Variants in TMEM117 observed in about 807,000 individuals in gnomAD.
The protein encoded by TMEM117 is transmembrane protein 117.
Under a neutral mutation model 52.4 loss-of-function variants are expected in TMEM117, and 27 were observed. That is an observed-to-expected ratio of 0.51 (90% CI 0.38 to 0.71). The LOEUF (loss-of-function observed/expected upper bound fraction) is 0.71, where lower values mean the gene tolerates loss of function less well. Ranked by LOEUF, TMEM117 falls within the 30% of genes least tolerant of loss-of-function variation. TMEM117 has a pLI of 0.00. For missense variants in TMEM117, 556 were observed against 630.5 expected, an observed-to-expected ratio of 0.88 and a Z score of 1.26; for synonymous variants, 215 against 206.3, an observed-to-expected ratio of 1.04 and a Z score of -0.36.
At chr12:44,289,343 A>T (rs1950674295) in intron 5 of TMEM117, among the ~76,000 whole-genome samples, 1 of 151,850 alleles carries the variant, frequency 6.6e-6, no homozygotes, top group Non-Finnish European at 1.5e-5. Flanking sequence ...AATAATGATG[A>T]TATGAACAAG....
intron 3 of TMEM117, among the ~76,000 whole-genome samples, chr12:44,012,807 C>G (rs1946314917): frequency 6.6e-6 from 1 of 152,150 alleles, no homozygotes; most frequent in Non-Finnish European, 1.5e-5. Flanking sequence ...ATATGGGACT[C>G]TGGTTCTGAT....
chr12:44,211,790 A>G (rs1949648406), intron 5 of TMEM117, among the ~76,000 whole-genome samples: 1 of 152,226 alleles, frequency 6.6e-6, no homozygotes, highest in African/African-American at 2.4e-5. Flanking sequence ...TATAAATCAC[A>G]TCTTCTACAT....
At chr12:43,951,599 G>A (rs1040117294) in intron 3 of TMEM117, among the ~76,000 whole-genome samples, 3 of 152,190 alleles carry the variant, frequency 2.0e-5, no homozygotes, top group Admixed American at 6.5e-5. Flanking sequence ...CCTGTAGAAA[G>A]TCCACCAGCT....
At chr12:43,826,336 C>A in the TMEM117 span, among the ~76,000 whole-genome samples, 1 of 152,230 alleles carries the variant, frequency 6.6e-6, no homozygotes, top group Non-Finnish European at 1.5e-5. Flanking sequence ...TTAATCTTTT[C>A]TTGAAGCCAC....
intron 6 of TMEM117, among the ~76,000 whole-genome samples, chr12:44,352,542 A>G (rs1256173289): frequency 6.6e-6 from 1 of 151,682 alleles, no homozygotes; most frequent in East Asian, 1.9e-4. Flanking sequence ...GAGAACATGC[A>G]GTGTTTGGTT....
chr12:44,300,748 T>A (rs543154392), intron 6 of TMEM117, among the ~76,000 whole-genome samples: 2 of 152,352 alleles, frequency 1.3e-5, no homozygotes, highest in Admixed American at 6.5e-5. Context: ...CTATCATTTT[T>A]AAAAATTATT....
the TMEM117 span, among the ~76,000 whole-genome samples, chr12:43,826,150 G>A: frequency 6.6e-6 from 1 of 152,248 alleles, no homozygotes; most frequent in Admixed American, 6.5e-5. Context: ...GGTGCATGCA[G>A]TATGTGGCAG....
the TMEM117 span, among the ~76,000 whole-genome samples, chr12:43,829,438 A>T: frequency 6.6e-6 from 1 of 152,310 alleles, no homozygotes; most frequent in South Asian, 2.1e-4. Flanking sequence ...AGTTGCTTGG[A>T]GATGTTCATT....
chr12:43,840,975 G>A (rs1260449826), intron 1 of TMEM117, among the ~76,000 whole-genome samples: 1 of 152,052 alleles, frequency 6.6e-6, no homozygotes, highest in Non-Finnish European at 1.5e-5. Context: ...ATAATATTGG[G>A]GTACCTAAGG....
chr12:44,307,135 C>T (rs929834589), intron 6 of TMEM117, among the ~76,000 whole-genome samples: 2 of 152,118 alleles, frequency 1.3e-5, no homozygotes, highest in Admixed American at 1.3e-4. Context: ...ATTGACCTGA[C>T]GTTAGTAGAG....
intron 6 of TMEM117, among the ~76,000 whole-genome samples, chr12:44,304,434 GCTGAGCT>G (rs1175413630): frequency 6.6e-6 from 1 of 152,202 alleles, no homozygotes; most frequent in African/African-American, 2.4e-5. Flanking sequence ...CTTGTGCTGT[GCTGAGCT>G]TGGAGGCAGT....
At chr12:44,106,220 G>T (rs886174062) in intron 3 of TMEM117, among the ~76,000 whole-genome samples, 1 of 152,028 alleles carries the variant, frequency 6.6e-6, no homozygotes, top group Non-Finnish European at 1.5e-5. Context: ...TTAACTTGCT[G>T]TTAGGATGGT....
intron 5 of TMEM117, among the ~76,000 whole-genome samples, chr12:44,245,563 A>T (rs1266833350): frequency 7.3e-6 from 1 of 137,622 alleles, no homozygotes; most frequent in Non-Finnish European, 1.5e-5. Flanking sequence ...AACTTAACTG[A>T]ATTATTTATC....
At chr12:44,139,048 A>T (rs1046106420) in intron 3 of TMEM117, among the ~76,000 whole-genome samples, 3 of 151,758 alleles carry the variant, frequency 2.0e-5, no homozygotes, top group African/African-American at 7.3e-5. Flanking sequence ...ATGCAAGTCA[A>T]CTCCTCGCCC....
intron 5 of TMEM117, among the ~76,000 whole-genome samples, chr12:44,278,756 T>G (rs1284708886): frequency 6.6e-6 from 1 of 152,234 alleles, no homozygotes; most frequent in Non-Finnish European, 1.5e-5. Flanking sequence ...TCTAACCTTA[T>G]TTTGCTTGGA....
chr12:43,814,026 A>G, the TMEM117 span, among the ~76,000 whole-genome samples: 16 of 152,282 alleles, frequency 1.1e-4, no homozygotes, highest in African/African-American at 3.8e-4. Flanking sequence ...TTAGATGTTT[A>G]TAATGGAGAT....
intron 2 of TMEM117, among the ~76,000 whole-genome samples, chr12:43,927,077 T>C (rs1466398638): frequency 2.6e-5 from 4 of 152,054 alleles, no homozygotes; most frequent in Admixed American, 2.6e-4. Context: ...TTTCAACTAT[T>C]TTTGTTGCAT....
chr12:44,180,567 T>G (rs1178116835), intron 4 of TMEM117, among the ~76,000 whole-genome samples: 1 of 137,828 alleles, frequency 7.3e-6, no homozygotes, highest in Non-Finnish European at 1.5e-5. Context: ...TGTGATCTCA[T>G]TGTTCAATTC....
intron 6 of TMEM117, among the ~76,000 whole-genome samples, chr12:44,309,659 TACAA>T (rs1194843750): frequency 1.3e-5 from 2 of 151,964 alleles, no homozygotes; most frequent in Non-Finnish European, 2.9e-5. Context: ...CATTTAATCT[TACAA>T]AACCTTCCAA....
Sources: allele counts gnomAD v4.1 joint callset (sites outside exome capture counted in the v4.1 genomes callset), GRCh38; gene constraint gnomAD v4.1.1; transcripts MANE v1.5; gene names NCBI Gene and HGNC (gene_info 2026-07-23, HGNC 2026-07-21).